Variants in TMPRSS11F observed in about 807,000 individuals in gnomAD.
TMPRSS11F encodes the protein transmembrane serine protease 11F, also known as transmembrane protease serine 11F.
In TMPRSS11F, 47 loss-of-function variants were observed where a neutral mutation model predicts 60.2. The observed-to-expected ratio is 0.78, with a 90% CI of 0.62 to 1.00. The LOEUF is 1.00. Among genes scored for constraint, TMPRSS11F ranks in the 50% least tolerant of loss-of-function variants. The pLI is 0.00. For missense variants in TMPRSS11F, 519 were observed against 522.9 expected (o/e 0.99, Z 0.07); for synonymous variants, 166 against 167.3 (o/e 0.99, Z 0.06).
intron 3 of TMPRSS11F, among the ~76,000 whole-genome samples, chr4:68,084,891 C>T (rs1484826267): frequency 1.6e-5 from 2 of 126,450 alleles, no homozygotes; most frequent in African/African-American, 3.0e-5. Flanking sequence ...CCCCTCCCCC[C>T]ACCCCACCAC....
chr4:68,059,560 G>T, intron 8 of TMPRSS11F, 92 bp from the exon 9 acceptor site: 2 of 1,268,032 alleles, frequency 1.6e-6, no homozygotes, highest in Non-Finnish European at 2.1e-6. Flanking sequence ...TGTAGCAAAA[G>T]CCAAAGATTA....
At chr4:68,094,148 C>A (rs956373924) in intron 2 of TMPRSS11F, among the ~76,000 whole-genome samples, 3 of 114,360 alleles carry the variant, frequency 2.6e-5, no homozygotes, top group Non-Finnish European at 5.8e-5. Context: ...TGGAACCAAC[C>A]CAAATGTCCA....
intron 1 of TMPRSS11F, among the ~76,000 whole-genome samples, chr4:68,101,757 A>G (rs1312798629): frequency 6.6e-6 from 1 of 152,174 alleles, no homozygotes; most frequent in African/African-American, 2.4e-5. Flanking sequence ...AGGAATACAT[A>G]TAGATAGTTC....
chr4:68,084,651 C>G (rs1404154547), intron 3 of TMPRSS11F, among the ~76,000 whole-genome samples: 1 of 152,098 alleles, frequency 6.6e-6, no homozygotes, highest in Non-Finnish European at 1.5e-5. Context: ...ACAAGAGGTC[C>G]TTAAGAGAAT....
chr4:68,065,295 C>T (rs1353857962), intron 7 of TMPRSS11F, among the ~76,000 whole-genome samples: 1 of 152,014 alleles, frequency 6.6e-6, no homozygotes, highest in African/African-American at 2.4e-5. Flanking sequence ...TATCTTCCAC[C>T]GATTCTTATT....
chr4:68,128,638 A>AT (rs1416930175), intron 1 of TMPRSS11F, among the ~76,000 whole-genome samples: 2 of 152,046 alleles, frequency 1.3e-5, no homozygotes, highest in Non-Finnish European at 2.9e-5. Flanking sequence ...AGAACTCCAA[A>AT]TTTTTCTAAT....
At position 68,053,676 on chromosome 4, in the gene TMPRSS11F, G is replaced by C; in HGVS notation, c.*233C>G. On this transcript the variant is annotated 3_prime_UTR_variant, in exon 10 of 10. Coordinates refer to ENST00000356291, the MANE Select transcript of TMPRSS11F (RefSeq NM_207407.2). ...GGAAGTATCACAAGCAGTTTCCCTT[G>C]TGAGTAAGGAATAGGTGCTGTCTGT... is the stretch of plus-strand genomic sequence containing the variant. The C allele has an allele frequency of 2.6e-6, 1 of 388,620 alleles. No homozygotes were observed. Among genetic ancestry groups the C allele is most frequent in the Non-Finnish European group, 4.6e-6 (1 of 218,566 alleles). 24.1% of individuals were successfully genotyped at this position (388,620 alleles called of 1,614,324 possible).
At chr4:68,124,819 G>A (rs914301095) in intron 1 of TMPRSS11F, among the ~76,000 whole-genome samples, 5 of 151,904 alleles carry the variant, frequency 3.3e-5, no homozygotes, top group Admixed American at 6.6e-5. Context: ...ACTCCGTTTC[G>A]CACTGAGTTG....
chr4:68,060,296 A>G (rs1723134980), intron 8 of TMPRSS11F, among the ~76,000 whole-genome samples: 1 of 151,004 alleles, frequency 6.6e-6, no homozygotes, highest in Non-Finnish European at 1.5e-5. Context: ...TCATGAGGTC[A>G]GGAGATCGAG....
intron 6 of TMPRSS11F, among the ~76,000 whole-genome samples, chr4:68,069,320 G>T (rs11727567): frequency 0.22 from 33,076 of 151,920 alleles, 4,035 homozygotes; most frequent in Admixed American, 0.37. Flanking sequence ...TGACTAAAGA[G>T]AATCAATTTA....
intron 4 of TMPRSS11F, among the ~76,000 whole-genome samples, chr4:68,073,115 T>G (rs1259305717): frequency 6.6e-6 from 1 of 152,148 alleles, no homozygotes; most frequent in East Asian, 1.9e-4. Context: ...ATGCAGAAGA[T>G]CCAGTGGGCA....
intron 1 of TMPRSS11F, among the ~76,000 whole-genome samples, chr4:68,103,433 G>A (rs1220846984): frequency 9.1e-6 from 1 of 110,350 alleles, no homozygotes; most frequent in Admixed American, 1.1e-4. Flanking sequence ...GTGACAGAGT[G>A]AGACCCTGTC....
chr4:68,062,589 T>G, intron 8 of TMPRSS11F: 1 of 863,014 alleles, frequency 1.2e-6, no homozygotes, highest in Non-Finnish European at 2.0e-6. Flanking sequence ...TGCCGTCCTT[T>G]TGACTCTTTC....
At position 68,062,700 on chromosome 4, in the gene TMPRSS11F, G is replaced by A. The variant is rs764804375; in HGVS notation, c.1015+1985C>T. 6.7e-6 allele frequency: 5 copies of A among 748,010 alleles called. No individual in the cohort carries two copies. The African/African-American group carries it at 6.9e-5, about 10-fold the overall frequency. 46.3% of individuals were successfully genotyped at this position (748,010 alleles called of 1,614,324 possible). On this transcript the variant is annotated intron_variant, in intron 8 of 9. Coordinates refer to ENST00000356291, the MANE Select transcript of TMPRSS11F (RefSeq NM_207407.2). ...ATGCTGCTTTTGTTATACACAGACA[G>A]CATGAGTGTCACATGAGAAAGCTGA...
At chr4:68,100,920 G>T (rs1232878983) in intron 1 of TMPRSS11F, among the ~76,000 whole-genome samples, 1 of 152,140 alleles carries the variant, frequency 6.6e-6, no homozygotes, top group Non-Finnish European at 1.5e-5. Context: ...AAAATCTATG[G>T]CAATAAGTAG....
chr4:68,075,528 GT>G (rs1723565318), intron 3 of TMPRSS11F, among the ~76,000 whole-genome samples: 1 of 151,846 alleles, frequency 6.6e-6, no homozygotes, highest in Non-Finnish European at 1.5e-5. Flanking sequence ...ATTTTAAGGT[GT>G]TTATTTTGTA....
intron 3 of TMPRSS11F, 69 bp downstream of exon 3, chr4:68,090,454 T>C: frequency 6.7e-7 from 1 of 1,497,982 alleles, no homozygotes; most frequent in Non-Finnish European, 8.9e-7. Flanking sequence ...TAAGTTCCTA[T>C]ATAACACCCA....
At chr4:68,066,633 A>G (rs1723333757) in intron 7 of TMPRSS11F, among the ~76,000 whole-genome samples, 1 of 152,170 alleles carries the variant, frequency 6.6e-6, no homozygotes, top group Non-Finnish European at 1.5e-5. Context: ...TCTGCAGAAA[A>G]AATAAATTTA....
intron 3 of TMPRSS11F, among the ~76,000 whole-genome samples, chr4:68,084,445 G>A (rs1723767556): frequency 1.3e-5 from 2 of 152,152 alleles, no homozygotes; most frequent in Non-Finnish European, 2.9e-5. Context: ...ACTTATAAGT[G>A]GAACCTAATC....
Sources: allele counts gnomAD v4.1 joint callset (sites outside exome capture counted in the v4.1 genomes callset), GRCh38; gene constraint gnomAD v4.1.1; transcripts MANE v1.5; gene names NCBI Gene and HGNC (gene_info 2026-07-23, HGNC 2026-07-21).